Variants in TBC1D22A observed in about 807,000 individuals in gnomAD.
TBC1D22A encodes putative GTPase activator.
Under a neutral mutation model 60.2 loss-of-function variants are expected in TBC1D22A, and 38 were observed. That is an observed-to-expected ratio of 0.63 (90% CI 0.49 to 0.83). The LOEUF is 0.83. TBC1D22A is among the 40% of genes least tolerant of loss of function. The probability of loss-of-function intolerance (pLI) is 0.00; values close to 1 mark genes in which losing one functional copy is unlikely to be tolerated. For synonymous variants in TBC1D22A, 302 were observed against 281.7 expected (o/e 1.07, Z -0.72); for missense variants, 628 against 701.0 (o/e 0.90, Z 1.18).
In TBC1D22A at chr22:46,762,728, G is replaced by A; in HGVS notation, c.-59G>A. ...CCGGGGCACAGGAAAGGGCCGCTAG[G>A]GGAGGGCCGGGTGCACTCGGGGTGT... On this transcript the variant is annotated 5_prime_UTR_variant, in exon 1 of 13. Coordinates refer to ENST00000337137, the MANE Select transcript of TBC1D22A (RefSeq NM_014346.5). 7.3e-7 allele frequency: 1 copy of A among 1,374,200 alleles called. No individual in the cohort carries two copies. The highest frequency in any genetic ancestry group is 9.4e-7 in the Non-Finnish European group (1 of 1,058,736). The allele number at this position is 1,374,200 out of a possible 1,614,324, so 85.1% of individuals were successfully genotyped here.
rs1464259190 is a variant in TBC1D22A, at chr22:47,113,957, C to T, written c.1425+2354C>T. Among the ~76,000 whole-genome samples, 3 of 152,120 alleles carry T rather than the reference C, an allele frequency of 2.0e-5. No homozygotes were observed. The East Asian group carries it at 5.8e-4, about 29-fold the overall frequency. ...CCACCCTGTCATGTGGTGGTCCCAT[C>T]CAGGGGCCACTGGCAGGGGCAGACT... On this transcript the variant is annotated intron_variant, in intron 12 of 12. Transcript: ENST00000337137.
intron 12 of TBC1D22A, among the ~76,000 whole-genome samples, chr22:47,136,894 C>G (rs142348096): frequency 6.6e-6 from 1 of 152,164 alleles, no homozygotes; most frequent in Non-Finnish European, 1.5e-5. Flanking sequence ...AGCCCCCAGA[C>G]CTGTCCCGGT....
At position 46,935,760 on chromosome 22, in the gene TBC1D22A, C is replaced by T. The variant is rs540935476; in HGVS notation, c.1015+23572C>T. On this transcript the variant is annotated intron_variant, in intron 8 of 12. Transcript: ENST00000337137. The stretch of plus-strand genomic sequence containing the variant: ...CCCGTGTCTCTGTAGCCTTTGCTGT[C>T]GCGCTGTCTCCTGGGCCCTCCTCTG... Among the ~76,000 whole-genome samples, 7 of 152,208 alleles carry T rather than the reference C, an allele frequency of 4.6e-5. No individual in the cohort carries two copies. In the East Asian group the frequency reaches 9.7e-4, roughly 21 times the overall value.
chr22:46,951,689 G>A (rs946545602), intron 8 of TBC1D22A, among the ~76,000 whole-genome samples: 1 of 152,264 alleles, frequency 6.6e-6, no homozygotes, highest in Non-Finnish European at 1.5e-5. Flanking sequence ...GTGTCTCAGT[G>A]ATGACTGATG....
At chr22:47,101,696 C>A (rs745352554) in intron 11 of TBC1D22A, among the ~76,000 whole-genome samples, 1 of 152,206 alleles carries the variant, frequency 6.6e-6, no homozygotes. Context: ...AGGCCCAGCA[C>A]TGGAGGCCAA....
chr22:46,827,334 A>G (rs1307232095), intron 4 of TBC1D22A, among the ~76,000 whole-genome samples: 1 of 152,192 alleles, frequency 6.6e-6, no homozygotes, highest in Non-Finnish European at 1.5e-5. Flanking sequence ...CAGCGAATGC[A>G]TCACCTCGGG....
intron 11 of TBC1D22A, among the ~76,000 whole-genome samples, chr22:47,062,132 C>T (rs1211134501): frequency 6.6e-6 from 1 of 150,638 alleles, no homozygotes; most frequent in Non-Finnish European, 1.5e-5. Flanking sequence ...TGTCAGTCCT[C>T]CGCCCCCTTT....
At chr22:46,770,677 A>G (rs987558714) in intron 1 of TBC1D22A, among the ~76,000 whole-genome samples, 3 of 152,182 alleles carry the variant, frequency 2.0e-5, no homozygotes, top group Admixed American at 1.3e-4. Context: ...CCTATGTCCT[A>G]TGTCCTGCTC....
chr22:46,775,991 G>T (rs1465503838), intron 1 of TBC1D22A, among the ~76,000 whole-genome samples: 2 of 152,250 alleles, frequency 1.3e-5, no homozygotes, highest in Admixed American at 6.5e-5. Flanking sequence ...GGTGAGCCTG[G>T]TGTTACTCCT....
At chr22:47,039,376 G>A (rs1017241129) in intron 11 of TBC1D22A, among the ~76,000 whole-genome samples, 4 of 152,106 alleles carry the variant, frequency 2.6e-5, no homozygotes, top group African/African-American at 9.7e-5. Flanking sequence ...AAAATACATA[G>A]TAATCATAGG....
chr22:47,152,118 T>A (rs1317220287), intron 12 of TBC1D22A, among the ~76,000 whole-genome samples: 2 of 152,216 alleles, frequency 1.3e-5, no homozygotes, highest in Non-Finnish European at 2.9e-5. Flanking sequence ...GCTCCACGGT[T>A]CTCTTTTTAT....
chr22:47,018,138 C>G (rs1277553274), intron 10 of TBC1D22A, among the ~76,000 whole-genome samples: 5 of 152,264 alleles, frequency 3.3e-5, no homozygotes, highest in African/African-American at 1.2e-4. Flanking sequence ...CCAGAGCGAC[C>G]TGACTCTGGC....
At chr22:47,010,338 C>A (rs1200577802) in intron 10 of TBC1D22A, among the ~76,000 whole-genome samples, 1 of 151,438 alleles carries the variant, frequency 6.6e-6, no homozygotes, top group Admixed American at 6.6e-5. Flanking sequence ...TGGCTCCCTC[C>A]CCCTGGCTCT....
chr22:47,017,952 G>A (rs2148327671), intron 10 of TBC1D22A, among the ~76,000 whole-genome samples: 1 of 152,332 alleles, frequency 6.6e-6, no homozygotes, highest in South Asian at 2.1e-4. Flanking sequence ...TTCCATTCCT[G>A]CATGCTGCCT....
chr22:46,944,199 C>A (rs1285964335), intron 8 of TBC1D22A, among the ~76,000 whole-genome samples: 2 of 152,150 alleles, frequency 1.3e-5, no homozygotes, highest in Non-Finnish European at 2.9e-5. Context: ...TCAGCACTTA[C>A]TATTGTTTGT....
intron 12 of TBC1D22A, among the ~76,000 whole-genome samples, chr22:47,118,234 A>G (rs1000819670): frequency 6.6e-6 from 1 of 152,228 alleles, no homozygotes; most frequent in Admixed American, 6.5e-5. Flanking sequence ...TCTTCTTTCT[A>G]AGTATTTATG....
At chr22:46,850,459 G>A (rs1452147777) in intron 4 of TBC1D22A, among the ~76,000 whole-genome samples, 1 of 152,180 alleles carries the variant, frequency 6.6e-6, no homozygotes, top group Non-Finnish European at 1.5e-5. Flanking sequence ...TTCTAAAAAT[G>A]TTCCAGTTGT....
chr22:46,984,189 A>C (rs1458503700), intron 9 of TBC1D22A, among the ~76,000 whole-genome samples: 7 of 151,676 alleles, frequency 4.6e-5, no homozygotes, highest in Admixed American at 4.6e-4. Context: ...CAACATGGTA[A>C]AACCCTGTCT....
chr22:47,130,586 C>T (rs1458995679), intron 12 of TBC1D22A, among the ~76,000 whole-genome samples: 8 of 152,194 alleles, frequency 5.3e-5, no homozygotes, highest in African/African-American at 1.9e-4. Context: ...CTGAGAGATT[C>T]GCTGCCATGT....
Sources: allele counts gnomAD v4.1 joint callset (sites outside exome capture counted in the v4.1 genomes callset), GRCh38; gene constraint gnomAD v4.1.1; transcripts MANE v1.5; gene names NCBI Gene and HGNC (gene_info 2026-07-23, HGNC 2026-07-21).